Variants in PRKG1 observed in about 807,000 individuals in gnomAD.
PRKG1 encodes cGMP-dependent protein kinase 1.
In PRKG1, 35 loss-of-function variants were observed where a neutral mutation model predicts 88.1. The ratio of observed to expected loss-of-function variants is 0.40; its 90% CI spans 0.30 to 0.53. The LOEUF is 0.53. Among genes scored for constraint, PRKG1 ranks in the 20% least tolerant of loss-of-function variants. The pLI is 0.59. For missense variants in PRKG1, 540 were observed against 839.8 expected (o/e 0.64, Z 4.41); for synonymous variants, 303 against 292.5 (o/e 1.04, Z -0.37).
chr10:51,629,765 C>T (rs913389026), intron 3 of PRKG1, among the ~76,000 whole-genome samples: 6 of 152,198 alleles, frequency 3.9e-5, no homozygotes, highest in Non-Finnish European at 2.9e-5. Context: ...ACAAGTGGGT[C>T]GCGGATCCAT....
At chr10:51,873,366 C>T (rs966041592) in intron 4 of PRKG1, among the ~76,000 whole-genome samples, 2 of 152,018 alleles carry the variant, frequency 1.3e-5, no homozygotes, top group African/African-American at 4.8e-5. Context: ...AGCCTCTACC[C>T]TAAAAACTGT....
At chr10:51,189,229 G>C (rs575582592) in intron 2 of PRKG1, among the ~76,000 whole-genome samples, 91 of 151,906 alleles carry the variant, frequency 6.0e-4, no homozygotes, top group African/African-American at 2.1e-3. Context: ...ATAGCAAACT[G>C]AATTTCCAGG....
At position 52,194,639 on chromosome 10, in the gene PRKG1, A is replaced by G. The variant is rs1392528085; in HGVS notation, c.1076+32676A>G. On this transcript the variant is annotated intron_variant, in intron 9 of 17. Coordinates refer to ENST00000373980, the MANE Select transcript of PRKG1 (RefSeq NM_006258.4). ...TTTTAACAATGTGAAGCTAAATACCAGAACAGTGTTTGATCAATGAAGTTC... is the reference window on the plus strand; with the variant it reads ...TTTTAACAATGTGAAGCTAAATACCGGAACAGTGTTTGATCAATGAAGTTC... Among the ~76,000 whole-genome samples, 11 of 152,306 alleles carry G rather than the reference A, an allele frequency of 7.2e-5. No individual in the cohort carries two copies. The East Asian group carries it at 2.1e-3, about 29-fold the overall frequency.
intron 3 of PRKG1, among the ~76,000 whole-genome samples, chr10:51,593,934 A>G (rs1463611510): frequency 2.0e-5 from 3 of 152,136 alleles, no homozygotes; most frequent in Admixed American, 1.3e-4. Flanking sequence ...CATGTTGACC[A>G]GGCTGATCTT....
intron 1 of PRKG1, among the ~76,000 whole-genome samples, chr10:50,999,655 A>G (rs564603863): frequency 6.6e-6 from 1 of 152,228 alleles, no homozygotes; most frequent in African/African-American, 2.4e-5. Flanking sequence ...GGGTCTATTT[A>G]TTCAACTATA....
intron 1 of PRKG1, among the ~76,000 whole-genome samples, chr10:51,101,390 G>C (rs766856582): frequency 6.6e-6 from 1 of 152,106 alleles, no homozygotes; most frequent in Non-Finnish European, 1.5e-5. Flanking sequence ...CCAATGTCCA[G>C]AACTGTGAGA....
chr10:51,252,033 C>T (rs932243077), intron 2 of PRKG1, among the ~76,000 whole-genome samples: 14 of 151,616 alleles, frequency 9.2e-5, no homozygotes, highest in Admixed American at 2.6e-4. Context: ...TGCATATATA[C>T]GTTATTAGTC....
intron 2 of PRKG1, among the ~76,000 whole-genome samples, chr10:51,201,731 A>G (rs927010681): frequency 3.3e-5 from 5 of 152,154 alleles, no homozygotes; most frequent in Non-Finnish European, 5.9e-5. Context: ...TATTTCTGCC[A>G]TGTGAGGATA....
chr10:52,077,292 A>G lies in PRKG1; in HGVS notation c.935+14661A>G, dbSNP rs998878906. Among the ~76,000 whole-genome samples, 7 of 152,160 alleles carry G rather than the reference A, an allele frequency of 4.6e-5. No homozygotes were observed. In the South Asian group the frequency reaches 8.3e-4, roughly 18 times the overall value. ...TCAAAATAATTACGATGAAAACTTC[A>G]AAAATATTTACAATGAGTGAAATAA... On this transcript the variant is annotated intron_variant, in intron 7 of 17. Transcript: ENST00000373980.
At chr10:52,192,710 GTAACTT>G in intron 9 of PRKG1, among the ~76,000 whole-genome samples, 1 of 151,856 alleles carries the variant, frequency 6.6e-6, no homozygotes, top group Admixed American at 6.6e-5. Flanking sequence ...CACAGAATTG[GTAACTT>G]TCTAAGATAT....
intron 4 of PRKG1, among the ~76,000 whole-genome samples, chr10:51,839,744 G>T (rs374827203): frequency 2.0e-5 from 3 of 152,102 alleles, no homozygotes; most frequent in Admixed American, 6.5e-5. Flanking sequence ...TATGGAGGTC[G>T]TTCTTTAGGT....
chr10:51,536,535 T>G (rs1462842223), intron 3 of PRKG1, among the ~76,000 whole-genome samples: 2 of 152,188 alleles, frequency 1.3e-5, no homozygotes, highest in African/African-American at 4.8e-5. Flanking sequence ...GCTCTTTAGT[T>G]TATTTAGGTT....
At chr10:51,554,022 G>A (rs902659988) in intron 3 of PRKG1, among the ~76,000 whole-genome samples, 2 of 140,968 alleles carry the variant, frequency 1.4e-5, no homozygotes, top group African/African-American at 5.7e-5. Flanking sequence ...ATGTGCGTAT[G>A]TGATACGTGT....
rs1459505012 is a variant in PRKG1, at chr10:52,256,084, A to G, written c.1173+4418A>G. Among the ~76,000 whole-genome samples the G allele has an allele frequency of 2.1e-5, 3 of 139,582 alleles. 1 individual carries two copies. The highest frequency in any genetic ancestry group is 3.2e-5 in the Non-Finnish European group (2 of 61,716). 91.6% of individuals were successfully genotyped at this position (139,582 alleles called of 152,430 possible). A position where few individuals can be genotyped will look rare whatever the true frequency, so the allele number is the denominator to read the frequency against. ...ATTGCCCAGAATTACTGATTTTTTA[A>G]CTAGAAGCTTTTTCTGCCATTCTGG... On this transcript the variant is annotated intron_variant, in intron 10 of 17. Coordinates refer to ENST00000373980, the MANE Select transcript of PRKG1 (RefSeq NM_006258.4).
At chr10:52,190,857 A>T (rs1839344678) in intron 9 of PRKG1, among the ~76,000 whole-genome samples, 1 of 152,292 alleles carries the variant, frequency 6.6e-6, no homozygotes, top group South Asian at 2.1e-4. Context: ...TTAAAAAAAA[A>T]TTTACTGATA....
intron 5 of PRKG1, among the ~76,000 whole-genome samples, chr10:52,044,959 C>G (rs1845829482): frequency 6.6e-6 from 1 of 152,162 alleles, no homozygotes; most frequent in Non-Finnish European, 1.5e-5. Context: ...TTTGTGTCAA[C>G]TCCAAACTGC....
At chr10:51,609,006 T>A (rs1029888704) in intron 3 of PRKG1, among the ~76,000 whole-genome samples, 4 of 152,102 alleles carry the variant, frequency 2.6e-5, no homozygotes, top group African/African-American at 9.6e-5. Context: ...TACTAAACAG[T>A]CAGAAAGTTT....
intron 8 of PRKG1, among the ~76,000 whole-genome samples, chr10:52,150,175 A>C (rs1564490953): frequency 6.9e-6 from 1 of 144,860 alleles, no homozygotes. Context: ...AATAATAATA[A>C]TAATAATAAT....
chr10:51,251,170 C>CTA (rs1158065745), intron 2 of PRKG1, among the ~76,000 whole-genome samples: 2 of 151,728 alleles, frequency 1.3e-5, no homozygotes, highest in African/African-American at 4.8e-5. Flanking sequence ...TGCATTGCTT[C>CTA]CTTTTCCTAT....
Sources: gnomAD v4.1 joint callset for allele counts (sites outside exome capture counted in the v4.1 genomes callset) on GRCh38, gnomAD v4.1.1 for gene constraint, MANE v1.5 for transcripts, NCBI Gene and HGNC (gene_info 2026-07-23, HGNC 2026-07-21) for gene names.